The following KCNQ5 variants were observed in gnomAD, a reference collection of about 807,000 sequenced individuals.
The protein encoded by KCNQ5 is potassium voltage-gated channel subfamily KQT member 5.
A neutral mutation model predicts 98.2 loss-of-function variants in KCNQ5; 30 were observed. The ratio of observed to expected loss-of-function variants is 0.31; its 90% confidence interval spans 0.23 to 0.41. The LOEUF (loss-of-function observed/expected upper bound fraction) is 0.41. Ranked by LOEUF, KCNQ5 falls within the 10% of genes least tolerant of loss-of-function variation. The pLI is 1.00. For missense variants in KCNQ5, 835 were observed against 1,182.5 expected (o/e 0.71, Z 4.31); for synonymous variants, 458 against 449.4 (o/e 1.02, Z -0.24).
At chr6:73,001,723 T>G (rs958636927) in intron 1 of KCNQ5, among the ~76,000 whole-genome samples, 2 of 152,198 alleles carry the variant, frequency 1.3e-5, no homozygotes, top group Non-Finnish European at 2.9e-5. Flanking sequence ...TGTATTTTAC[T>G]TTCTCATTTA....
chr6:72,643,453 G>A (rs893595678), intron 1 of KCNQ5, among the ~76,000 whole-genome samples: 7 of 152,040 alleles, frequency 4.6e-5, no homozygotes, highest in Admixed American at 6.6e-5. Context: ...TAAATTCACA[G>A]GACAAGTCTG....
chr6:72,976,739 G>C (rs1324954153), intron 1 of KCNQ5, among the ~76,000 whole-genome samples: 1 of 152,156 alleles, frequency 6.6e-6, no homozygotes, highest in Non-Finnish European at 1.5e-5. Flanking sequence ...CTGCAGCCAA[G>C]CAGCTTCACA....
intron 9 of KCNQ5, among the ~76,000 whole-genome samples, chr6:73,132,244 G>T (rs1328204616): frequency 1.3e-5 from 2 of 152,158 alleles, no homozygotes; most frequent in East Asian, 1.9e-4. Context: ...CCCCACAAAG[G>T]CTGCGGCTTT....
chr6:72,706,627 G>A (rs894181715), intron 1 of KCNQ5, among the ~76,000 whole-genome samples: 16 of 152,092 alleles, frequency 1.1e-4, no homozygotes, highest in Non-Finnish European at 1.3e-4. Flanking sequence ...TTAAGTGATA[G>A]GTTCTTTACC....
chr6:72,708,058 A>G (rs1345138932), intron 1 of KCNQ5, among the ~76,000 whole-genome samples: 2 of 152,206 alleles, frequency 1.3e-5, no homozygotes, highest in African/African-American at 4.8e-5. Flanking sequence ...GAGTAGGACC[A>G]CATTAATCCT....
chr6:72,946,487 T>C (rs989666740), intron 1 of KCNQ5, among the ~76,000 whole-genome samples: 2 of 152,146 alleles, frequency 1.3e-5, no homozygotes, highest in African/African-American at 2.4e-5. Flanking sequence ...GCAAGACGTA[T>C]TGCTTATTTA....
chr6:73,169,807 A>C lies in KCNQ5; in HGVS notation c.1530A>C (p.Ser510=). 1.2e-6 allele frequency: 2 copies of C among 1,613,978 alleles called. No homozygotes were observed. Among genetic ancestry groups the C allele is most frequent in the Non-Finnish European group, 1.7e-6 (2 of 1,179,822 alleles). The part of the protein sequence containing the change: ...YDEKGCQCDV[S]VEDLTPPLKT... Reference sequence around the variant, plus strand: ...AAAAAGGATGCCAGTGTGATGTATCAGTGGAAGACCTCACCCCACCACTTA... The same window carrying C: ...AAAAAGGATGCCAGTGTGATGTATCCGTGGAAGACCTCACCCCACCACTTA... Residue 510 remains serine (S), a synonymous_variant, in exon 11 of 14, where the codon TCA becomes TCC. Transcript: ENST00000370398.
At chr6:72,977,106 A>G (rs1004390206) in intron 1 of KCNQ5, among the ~76,000 whole-genome samples, 1 of 152,250 alleles carries the variant, frequency 6.6e-6, no homozygotes, top group Non-Finnish European at 1.5e-5. Context: ...GTCAACTGGC[A>G]TTTTTAACTC....
chr6:72,704,602 C>T (rs1484670977), intron 1 of KCNQ5, among the ~76,000 whole-genome samples: 3 of 150,388 alleles, frequency 2.0e-5, no homozygotes, highest in Non-Finnish European at 4.4e-5. Flanking sequence ...TGGGTTCTTT[C>T]CTAAGAAAAA....
intron 1 of KCNQ5, among the ~76,000 whole-genome samples, chr6:72,864,230 G>A (rs372704451): frequency 6.6e-6 from 1 of 151,976 alleles, no homozygotes; most frequent in Non-Finnish European, 1.5e-5. Flanking sequence ...TATATCCCAT[G>A]AACACTACCT....
At chr6:72,995,663 T>G (rs1161569554) in intron 1 of KCNQ5, among the ~76,000 whole-genome samples, 1 of 152,042 alleles carries the variant, frequency 6.6e-6, no homozygotes, top group Non-Finnish European at 1.5e-5. Context: ...TGTAAAGAAA[T>G]TCGGAAGATA....
intron 1 of KCNQ5, among the ~76,000 whole-genome samples, chr6:72,974,609 G>C (rs2150288734): frequency 6.6e-6 from 1 of 152,174 alleles, no homozygotes; most frequent in East Asian, 1.9e-4. Flanking sequence ...CCAAATATGG[G>C]ACATGTTTAT....
chr6:72,726,227 T>C (rs76536842), intron 1 of KCNQ5, among the ~76,000 whole-genome samples: 17 of 141,624 alleles, frequency 1.2e-4, no homozygotes, highest in South Asian at 2.3e-4. Flanking sequence ...TTTTTTTTTT[T>C]CGAGATGGAG....
intron 3 of KCNQ5, 76 bp from the exon 4 acceptor site, chr6:73,077,246 C>A: frequency 1.4e-6 from 2 of 1,420,818 alleles, no homozygotes; most frequent in African/African-American, 1.4e-5. Context: ...CAAAGTGAAC[C>A]TTTTGGAAAT....
chr6:73,138,093 T>C (rs1776545041), intron 10 of KCNQ5, among the ~76,000 whole-genome samples: 1 of 152,210 alleles, frequency 6.6e-6, no homozygotes, highest in African/African-American at 2.4e-5. Flanking sequence ...ATGACCGTTC[T>C]CTGTTTTGAT....
At chr6:72,659,060 A>G (rs1321373350) in intron 1 of KCNQ5, among the ~76,000 whole-genome samples, 1 of 152,242 alleles carries the variant, frequency 6.6e-6, no homozygotes, top group Non-Finnish European at 1.5e-5. Flanking sequence ...AAACGTCTCC[A>G]TTAATGGGAA....
At chr6:72,981,482 T>C (rs1337761005) in intron 1 of KCNQ5, among the ~76,000 whole-genome samples, 1 of 138,820 alleles carries the variant, frequency 7.2e-6, no homozygotes, top group Non-Finnish European at 1.5e-5. Context: ...GTAGTTTGTA[T>C]TTCTGTGGGA....
At position 73,133,607 on chromosome 6, in the gene KCNQ5, C is replaced by T. The variant is rs1776331813; in HGVS notation, c.1434C>T (p.Arg478=). Reference sequence around the variant, plus strand: ...GAACCCGCTTCCGGCCCTCGCTGCGCCTCAAAAGTTCTCAGCCAAAACCAG... The same window carrying T: ...GAACCCGCTTCCGGCCCTCGCTGCGTCTCAAAAGTTCTCAGCCAAAACCAG... ...NDRTRFRPSL[R]LKSSQPKPVI... Residue 478 remains arginine, a synonymous_variant, in exon 10 of 14, where the codon CGC becomes CGT. Transcript: ENST00000370398. The T allele has an allele frequency of 1.9e-6, 3 of 1,614,076 alleles. No individual in the cohort carries two copies. The highest frequency in any genetic ancestry group is 1.6e-4 in the Middle Eastern group (1 of 6,082).
intron 1 of KCNQ5, among the ~76,000 whole-genome samples, chr6:72,908,553 A>C (rs1027573462): frequency 5.9e-5 from 9 of 152,178 alleles, no homozygotes; most frequent in Non-Finnish European, 1.0e-4. Context: ...AATATACTTC[A>C]TCCACAGGCA....
Sources: gnomAD v4.1 joint callset for allele counts (sites outside exome capture counted in the v4.1 genomes callset) on GRCh38, gnomAD v4.1.1 for gene constraint, MANE v1.5 for transcripts, NCBI Gene and HGNC (gene_info 2026-07-23, HGNC 2026-07-21) for gene names.